The following GTSE1 variants were observed in gnomAD, a reference collection of about 807,000 sequenced individuals.
GTSE1 encodes G2 and S phase-expressed protein 1.
In GTSE1, 52 loss-of-function variants were observed where a neutral mutation model predicts 60.5. That is an observed-to-expected ratio of 0.86 (90% CI 0.69 to 1.08). The LOEUF (loss-of-function observed/expected upper bound fraction) is 1.08. GTSE1 is among the 50% of genes least tolerant of loss of function. GTSE1 has a pLI of 0.00. For synonymous variants in GTSE1, 368 were observed against 386.5 expected, an observed-to-expected ratio of 0.95 and a Z score of 0.56; for missense variants, 937 against 961.8, an observed-to-expected ratio of 0.97 and a Z score of 0.34.
In GTSE1 at chr22:46,330,088, G is replaced by C; in HGVS notation, c.2178G>C (p.Glu726Asp). The C allele has an allele frequency of 6.2e-7, 1 of 1,612,222 alleles. No individual in the cohort carries two copies. The highest frequency in any genetic ancestry group is 8.5e-7 in the Non-Finnish European group (1 of 1,178,224). ...CCCCTCTGATCCAGCTGAGCCCTGAGGCTGACAAGGAGAACGTGGATTCCC... is the reference window on the plus strand; with the variant it reads ...CCCCTCTGATCCAGCTGAGCCCTGACGCTGACAAGGAGAACGTGGATTCCC... The part of the protein sequence containing the change: ...LSSPLIQLSP[E>D]ADKENVDSPL... Residue 726 changes from glutamate to aspartate, a missense_variant, in exon 12 of 12, where the codon GAG becomes GAC. By Grantham distance (45) the Glu-to-Asp change is conservative. Coordinates refer to ENST00000454366, the MANE Select transcript of GTSE1 (RefSeq NM_016426.7). The surrounding 1 kb of genome is among the most constrained non-coding windows in gnomAD (Gnocchi z 6.0).
chr22:46,316,325 A>G lies in GTSE1; in HGVS notation c.1345A>G (p.Ile449Val). The part of the protein sequence containing the change: ...ESSQLNKTRS[I>V]RRRDSCLNSK... ...TTCTCAATTGAATAAGACTAGAAGTATCAGACGGCGAGATTCCTGTCTAAA... is the reference window on the plus strand; with the variant it reads ...TTCTCAATTGAATAAGACTAGAAGTGTCAGACGGCGAGATTCCTGTCTAAA... Residue 449 changes from isoleucine to valine, a missense_variant, in exon 7 of 12, where the codon ATC (isoleucine) becomes GTC (valine). Transcript: ENST00000454366. This position sits in a 1 kb window ranked among gnomAD's most constrained non-coding sequence, Gnocchi z 5.0. 1.2e-6 allele frequency: 2 copies of G among 1,613,564 alleles called. No individual in the cohort carries two copies. Among genetic ancestry groups the G allele is most frequent in the East Asian group, 2.2e-5 (1 of 44,882 alleles).
intron 2 of GTSE1, among the ~76,000 whole-genome samples, chr22:46,298,439 C>G (rs1190436782): frequency 6.6e-6 from 1 of 151,920 alleles, no homozygotes; most frequent in Non-Finnish European, 1.5e-5. Flanking sequence ...TCCCGAGTAG[C>G]TGGGATTACA....
In GTSE1 at chr22:46,311,202, C is replaced by T. The variant is rs149033258; in HGVS notation, c.763-939C>T. 3.1e-3 allele frequency among the ~76,000 whole-genome samples: 468 copies of T among 152,160 alleles called. 4 individuals carry two copies. The highest frequency in any genetic ancestry group is 6.8e-3 in the Middle Eastern group (2 of 294). ...AAGCAGTCCTCCTGTCTCAGCCTCC[C>T]GAGTAGCTGGGATTACAGGCGCCCG... On this transcript the variant is annotated intron_variant, in intron 4 of 11. Coordinates refer to ENST00000454366, the MANE Select transcript of GTSE1 (RefSeq NM_016426.7).
intron 5 of GTSE1, among the ~76,000 whole-genome samples, chr22:46,312,638 CAAAAAAA>C (rs60392526): frequency 8.4e-5 from 5 of 59,792 alleles, no homozygotes; most frequent in Admixed American, 1.9e-4. Flanking sequence ...GACCCTGTCT[CAAAAAAA>C]AAAAAAAAAA....
In GTSE1 at chr22:46,321,643, G is replaced by C. The variant is rs911693034; in HGVS notation, c.1433-1547G>C. 3.9e-5 allele frequency among the ~76,000 whole-genome samples: 6 copies of C among 152,218 alleles called. No individual in the cohort carries two copies. Among genetic ancestry groups the C allele is most frequent in the African/African-American group, 1.2e-4 (5 of 41,466 alleles). ...ATGTGGGTGCGTGATTTAGAAATGA[G>C]TGAAGGGAGACATCGCAAGAAGCTT... is the stretch of plus-strand genomic sequence containing the variant. On this transcript the variant is annotated intron_variant, in intron 7 of 11. Transcript: ENST00000454366. This position sits in a 1 kb window ranked among gnomAD's most constrained non-coding sequence, Gnocchi z 4.0.
At chr22:46,303,343 A>G (rs1241677819) in intron 2 of GTSE1, among the ~76,000 whole-genome samples, 1 of 152,130 alleles carries the variant, frequency 6.6e-6, no homozygotes, top group Admixed American at 6.6e-5. Flanking sequence ...CTTCCATGTT[A>G]TCTTCTCACT....
rs1263063642 is a variant in GTSE1 at position 46,317,741 on chromosome 22, G to A, written c.1432+1329G>A. Among the ~76,000 whole-genome samples, 2 of 152,144 alleles carry A rather than the reference G, an allele frequency of 1.3e-5. No homozygotes were observed. The highest frequency in any genetic ancestry group is 4.8e-5 in the African/African-American group (2 of 41,426). On this transcript the variant is annotated intron_variant, in intron 7 of 11. Transcript: ENST00000454366. This position sits in a 1 kb window ranked among gnomAD's most constrained non-coding sequence, Gnocchi z 5.6. Reference sequence around the variant, plus strand: ...CATAGCCTTTCCGCCTCCCGCCACCGGCGTCCTTCCCAAGGCCTCTGCTGC... The same window carrying A: ...CATAGCCTTTCCGCCTCCCGCCACCAGCGTCCTTCCCAAGGCCTCTGCTGC...
In GTSE1 at chr22:46,317,646, G is replaced by T. The variant is rs185430737; in HGVS notation, c.1432+1234G>T. Among the ~76,000 whole-genome samples, 121 of 152,320 alleles carry T rather than the reference G, an allele frequency of 7.9e-4. 1 individual carries two copies. The highest frequency in any genetic ancestry group is 2.8e-3 in the African/African-American group (118 of 41,566). On this transcript the variant is annotated intron_variant, in intron 7 of 11. Coordinates refer to ENST00000454366, the MANE Select transcript of GTSE1 (RefSeq NM_016426.7). The surrounding 1 kb of genome is among the most constrained non-coding windows in gnomAD (Gnocchi z 5.6). The stretch of plus-strand genomic sequence containing the variant: ...TTGTCTTTCTCTGAGGAGTTGGGTT[G>T]GGCTTGGCAGGCAGTTAAGGTGCAG...
intron 2 of GTSE1, among the ~76,000 whole-genome samples, chr22:46,306,983 G>A (rs1190025273): frequency 6.6e-6 from 1 of 152,190 alleles, no homozygotes; most frequent in Non-Finnish European, 1.5e-5. Flanking sequence ...GGCCATAGAA[G>A]GGTCAAGAGG....
In GTSE1 at chr22:46,317,792, C is replaced by T. The variant is rs1169910146; in HGVS notation, c.1432+1380C>T. 6.6e-6 allele frequency among the ~76,000 whole-genome samples: 1 copy of T among 152,236 alleles called. No homozygotes were observed. The highest frequency in any genetic ancestry group is 1.5e-5 in the Non-Finnish European group (1 of 68,040). On this transcript the variant is annotated intron_variant, in intron 7 of 11. Coordinates refer to ENST00000454366, the MANE Select transcript of GTSE1 (RefSeq NM_016426.7). The surrounding 1 kb of genome is among the most constrained non-coding windows in gnomAD (Gnocchi z 5.6). ...ACACCCGTGTGTCCCGCAAGGCCCG[C>T]GAGACCCCTGCACTCCTGCTGCTGC... is the stretch of plus-strand genomic sequence containing the variant.
rs899517584 is a variant in GTSE1 at position 46,324,176 on chromosome 22, C to T, written c.1505+914C>T. Among the ~76,000 whole-genome samples, 3 of 152,230 alleles carry T rather than the reference C, an allele frequency of 2.0e-5. No homozygotes were observed. The highest frequency in any genetic ancestry group is 2.1e-4 in the South Asian group (1 of 4,814). Reference sequence around the variant, plus strand: ...CTGTGTGAGCTTGAGACACGCTTCGCGAGGTCGAACTAGCCAGTCCCTCAC... The same window carrying T: ...CTGTGTGAGCTTGAGACACGCTTCGTGAGGTCGAACTAGCCAGTCCCTCAC... On this transcript the variant is annotated intron_variant, in intron 8 of 11. Coordinates refer to ENST00000454366, the MANE Select transcript of GTSE1 (RefSeq NM_016426.7). This position sits in a 1 kb window ranked among gnomAD's most constrained non-coding sequence, Gnocchi z 5.2.
Position 46,317,746 on chromosome 22 carries a change from C to T in GTSE1, c.1432+1334C>T, listed in dbSNP as rs746369543. Among the ~76,000 whole-genome samples, 12 of 152,240 alleles carry T rather than the reference C, an allele frequency of 7.9e-5. No individual in the cohort carries two copies. Among genetic ancestry groups the T allele is most frequent in the Non-Finnish European group, 1.6e-4 (11 of 68,048 alleles). ...CCTTTCCGCCTCCCGCCACCGGCGT[C>T]CTTCCCAAGGCCTCTGCTGCACACC... On this transcript the variant is annotated intron_variant, in intron 7 of 11. Transcript: ENST00000454366. The surrounding 1 kb of genome is among the most constrained non-coding windows in gnomAD (Gnocchi z 5.6).
At chr22:46,302,822 A>G (rs2077696422) in intron 2 of GTSE1, among the ~76,000 whole-genome samples, 1 of 151,268 alleles carries the variant, frequency 6.6e-6, no homozygotes, top group African/African-American at 2.4e-5. Context: ...GGTGTGAGGC[A>G]TGGACCAAAC....
Position 46,308,663 on chromosome 22 carries a change from T to C in GTSE1, c.482T>C (p.Leu161Pro), listed in dbSNP as rs1395240202. 1.9e-6 allele frequency: 3 copies of C among 1,613,918 alleles called. No individual in the cohort carries two copies. The Admixed American group carries it at 5.0e-5, about 27-fold the overall frequency. Residue 161 changes from leucine (L) to proline (P), a missense_variant, in exon 4 of 12, where the codon CTT becomes CCT. Physicochemically the swap from Leu to Pro is moderately conservative, Grantham distance 98 (BLOSUM62 -3). Coordinates refer to ENST00000454366, the MANE Select transcript of GTSE1 (RefSeq NM_016426.7). ...GAAATGAAGAAAAGCCCCACGTCTC[T>C]TAAAAGGGAGACATACTACCTGTCA... Reference protein sequence around the residue: ...EKEMKKSPTSLKRETYYLSDS... With the variant: ...EKEMKKSPTSPKRETYYLSDS...
At chr22:46,323,405 ATGTGTACCAGCCCCT>A in intron 8 of GTSE1, 143 bp downstream of exon 8, 1 of 704,290 alleles carries the variant, frequency 1.4e-6, no homozygotes, top group South Asian at 1.5e-5. Flanking sequence ...CGAGCTCCTG[ATGTGTACCAGCCCCT>A]TTTAGATCTA....
In GTSE1 at chr22:46,316,496, T is replaced by C. The variant is rs886829885; in HGVS notation, c.1432+84T>C. ...AGTTTTAAACAATTATTGATGGCATTGATGGTGTTTTTAGTTCTTTCCTCC... is the reference window on the plus strand; with the variant it reads ...AGTTTTAAACAATTATTGATGGCATCGATGGTGTTTTTAGTTCTTTCCTCC... On this transcript the variant is annotated intron_variant, in intron 7 of 11. Coordinates refer to ENST00000454366, the MANE Select transcript of GTSE1 (RefSeq NM_016426.7). The surrounding 1 kb of genome is among the most constrained non-coding windows in gnomAD (Gnocchi z 5.0). 1.0e-6 allele frequency: 1 copy of C among 969,218 alleles called. No individual in the cohort carries two copies. The highest frequency in any genetic ancestry group is 1.6e-5 in the African/African-American group (1 of 61,294). 60.0% of individuals were successfully genotyped at this position (969,218 alleles called of 1,614,324 possible). A position where few individuals can be genotyped will look rare whatever the true frequency, so the allele number is the denominator to read the frequency against.
Position 46,304,282 on chromosome 22 carries a change from A to G in GTSE1, c.80-3868A>G, listed in dbSNP as rs1358844853. ...TGGGATTACAGGCACAGGCCACCAT[A>G]CCTGGCCTACCTTTGTTGTTTTAAG... On this transcript the variant is annotated intron_variant, in intron 2 of 11. Transcript: ENST00000454366. The surrounding 1 kb of genome is among the most constrained non-coding windows in gnomAD (Gnocchi z 4.4). Among the ~76,000 whole-genome samples, 1 of 151,924 alleles carries G rather than the reference A, an allele frequency of 6.6e-6. No individual in the cohort carries two copies. Among genetic ancestry groups the G allele is most frequent in the Non-Finnish European group, 1.5e-5 (1 of 67,976 alleles).
chr22:46,297,352 C>A lies in GTSE1; in HGVS notation c.-21-28C>A. On this transcript the variant is annotated intron_variant, in intron 1 of 11. Transcript: ENST00000454366. The surrounding 1 kb of genome is among the most constrained non-coding windows in gnomAD (Gnocchi z 4.9). ...GGAGCCCTGGGCCCTGACACGTACT[C>A]ACTTTCTGGCCCCGTTCCACCCTGC... The A allele has an allele frequency of 1.6e-6, 2 of 1,277,734 alleles. No individual in the cohort carries two copies. Among genetic ancestry groups the A allele is most frequent in the South Asian group, 1.2e-5 (1 of 84,500 alleles). 79.1% of individuals were successfully genotyped at this position (1,277,734 alleles called of 1,614,324 possible).
In GTSE1 at chr22:46,329,992, G is replaced by A. The variant is rs369369551; in HGVS notation, c.2137-55G>A. ...CAGCCAGTCCTCTGTGCAGGGAGGG[G>A]AAGGGAGGCCCTAGCCGGATCCACG... On this transcript the variant is annotated intron_variant, in intron 11 of 11. Transcript: ENST00000454366. This position sits in a 1 kb window ranked among gnomAD's most constrained non-coding sequence, Gnocchi z 6.4. The A allele has an allele frequency of 7.6e-5, 81 of 1,061,468 alleles. No homozygotes were observed. The East Asian group carries it at 1.2e-3, about 15-fold the overall frequency. The allele number at this position is 1,061,468 out of a possible 1,614,324, so 65.8% of individuals were successfully genotyped here. A position where few individuals can be genotyped will look rare whatever the true frequency, so the allele number is the denominator to read the frequency against.
Sources: allele counts gnomAD v4.1 joint callset (sites outside exome capture counted in the v4.1 genomes callset), GRCh38; gene constraint gnomAD v4.1.1; non-coding constraint Gnocchi (gnomAD v3.1); transcripts MANE v1.5; gene names NCBI Gene and HGNC (gene_info 2026-07-23, HGNC 2026-07-21).